RSRP1: variants seen among roughly 807,000 people sequenced by gnomAD.
RSRP1 encodes arginine/serine-rich protein 1.
RSRP1 carries 37 observed loss-of-function variants against 33.0 expected under a neutral mutation model. The ratio of observed to expected loss-of-function variants is 1.12; its 90% CI spans 0.86 to 1.48. The LOEUF (loss-of-function observed/expected upper bound fraction) is 1.48. RSRP1 is among the 40% of genes most tolerant of loss of function. RSRP1 has a pLI of 0.00. For synonymous variants in RSRP1, 167 were observed against 158.7 expected (o/e 1.05, Z -0.40); for missense variants, 402 against 385.3 (o/e 1.04, Z -0.36).
chr1:25,244,567 T>G (rs1353886703), intron 3 of RSRP1: 2 of 1,286,760 alleles, frequency 1.6e-6, no homozygotes, highest in East Asian at 1.1e-4. Context: ...GGGAACATAA[T>G]GCTGCAAATG....
chr1:25,299,660 G>T (rs1643228161), intron 1 of RSRP1, among the ~76,000 whole-genome samples: 1 of 131,398 alleles, frequency 7.6e-6, no homozygotes, highest in Non-Finnish European at 1.8e-5. Flanking sequence ...GATCCTGCAG[G>T]GTCGTGGCAA....
In RSRP1 at chr1:25,321,799, T is replaced by C. The variant is rs1337490173; in HGVS notation, c.-67+16179A>G. On this transcript the variant is annotated intron_variant, in intron 1 of 1. Coordinates refer to the RSRP1 transcript ENST00000561867. Reference sequence around the variant, plus strand: ...AGAAAAAGGATTTCTGTTGAGATACTGTCGTTTTGACACACAATATTTCGA... The same window carrying C: ...AGAAAAAGGATTTCTGTTGAGATACCGTCGTTTTGACACACAATATTTCGA... 2.9e-6 allele frequency: 2 copies of C among 685,086 alleles called. 1 individual carries two copies. Among genetic ancestry groups the C allele is most frequent in the African/African-American group, 3.5e-5 (2 of 57,928 alleles). The allele number at this position is 685,086 out of a possible 1,614,324, so 42.4% of individuals were successfully genotyped here.
rs562716225 is a variant in RSRP1, at chr1:25,301,234, G to A, written c.-67+36744C>T. The A allele has an allele frequency of 2.3e-5, 21 of 925,978 alleles. 4 individuals carry two copies. Among genetic ancestry groups the A allele is most frequent in the Non-Finnish European group, 3.1e-5 (18 of 579,026 alleles). The allele number at this position is 925,978 out of a possible 1,614,324, so 57.4% of individuals were successfully genotyped here. A position where few individuals can be genotyped will look rare whatever the true frequency, so the allele number is the denominator to read the frequency against. The stretch of plus-strand genomic sequence containing the variant: ...CTTCCATCATGATTCATTTCTTTGA[G>A]TAGTGTTTGCTAAATTCATACCTTT... On this transcript the variant is annotated intron_variant, in intron 1 of 1. Coordinates refer to the RSRP1 transcript ENST00000561867.
At position 25,266,231 on chromosome 1, in the gene RSRP1, C is replaced by A. The variant is rs596582; in HGVS notation, c.-66-19202G>T. ...AAGAGTAATATAAAGATGCTCACTCCTATTTATAAATATTTGACAATCATG... is the reference window on the plus strand; with the variant it reads ...AAGAGTAATATAAAGATGCTCACTCATATTTATAAATATTTGACAATCATG... On this transcript the variant is annotated intron_variant, in intron 1 of 1. Transcript: ENST00000561867. 31 of 132,020 alleles carry A rather than the reference C, an allele frequency of 2.3e-4. 6 individuals are homozygous for A. The highest frequency in any genetic ancestry group is 5.0e-4 in the Non-Finnish European group (28 of 55,696). 8.2% of individuals were successfully genotyped at this position (132,020 alleles called of 1,614,324 possible). A position where few individuals can be genotyped will look rare whatever the true frequency, so the allele number is the denominator to read the frequency against.
intron 2 of RSRP1, 119 bp from the exon 3 acceptor site, chr1:25,245,420 G>GA: frequency 1.5e-6 from 2 of 1,326,954 alleles, no homozygotes; most frequent in Non-Finnish European, 2.0e-6. Context: ...TAAGTCACTT[G>GA]TTTTATAATA....
rs1294702566 is a variant in RSRP1, at chr1:25,310,845, C to T, written c.-67+27133G>A. On this transcript the variant is annotated intron_variant, in intron 1 of 1. Transcript: ENST00000561867. ...AAAATTAGCTGGGCGTGGTGGCGCA[C>T]ACCTGTAATCTCAGCTACTCAGGAG... 3.0e-5 allele frequency among the ~76,000 whole-genome samples: 4 copies of T among 131,282 alleles called. 1 individual carries two copies. Among genetic ancestry groups the T allele is most frequent in the African/African-American group, 1.0e-4 (4 of 38,406 alleles). The allele number at this position is 131,282 out of a possible 152,430, so 86.1% of individuals were successfully genotyped here.
intron 1 of RSRP1, among the ~76,000 whole-genome samples, chr1:25,276,569 C>A (rs183062154): frequency 0.012 from 1,326 of 106,172 alleles, 157 homozygotes; most frequent in African/African-American, 0.058. Context: ...TAAAATTTAA[C>A]CCAGTGTGGT....
At chr1:25,254,860 A>G (rs975086027) in intron 1 of RSRP1, among the ~76,000 whole-genome samples, 6 of 152,208 alleles carry the variant, frequency 3.9e-5, no homozygotes, top group African/African-American at 1.4e-4. Flanking sequence ...TACAGGTGCA[A>G]TTACTGGTAG....
At chr1:25,245,425 A>G (rs1639288963) in intron 2 of RSRP1, 124 bp from the exon 3 acceptor site, 1 of 1,310,278 alleles carries the variant, frequency 7.6e-7, no homozygotes, top group African/African-American at 1.5e-5. Context: ...CACTTGTTTT[A>G]TAATAGGTAA....
At chr1:25,311,314 C>T (rs1644134451) in intron 1 of RSRP1, among the ~76,000 whole-genome samples, 2 of 131,934 alleles carry the variant, frequency 1.5e-5, no homozygotes, top group African/African-American at 5.2e-5. Context: ...AGAACATTTT[C>T]AGCTGAGAAC....
chr1:25,257,853 T>C (rs1435066326), intron 1 of RSRP1, among the ~76,000 whole-genome samples: 1 of 152,050 alleles, frequency 6.6e-6, no homozygotes, highest in East Asian at 1.9e-4. Context: ...TCAAGTGATC[T>C]GCCCACCTCA....
In RSRP1 at chr1:25,303,852, G is replaced by A. The variant is rs1294486824; in HGVS notation, c.-67+34126C>T. ...CTCCTCTTTCACCCCACATTGTGGGGTGTAGTCTTTTGCTTCAAGAAAGCA... is the reference window on the plus strand; with the variant it reads ...CTCCTCTTTCACCCCACATTGTGGGATGTAGTCTTTTGCTTCAAGAAAGCA... On this transcript the variant is annotated intron_variant, in intron 1 of 1. Coordinates refer to the RSRP1 transcript ENST00000561867. Among the ~76,000 whole-genome samples, 6 of 127,140 alleles carry A rather than the reference G, an allele frequency of 4.7e-5. 2 individuals carry two copies. The highest frequency in any genetic ancestry group is 7.4e-5 in the Non-Finnish European group (4 of 54,158). The allele number at this position is 127,140 out of a possible 152,430, so 83.4% of individuals were successfully genotyped here.
In RSRP1 at chr1:25,246,515, T is replaced by C. The variant is rs889799584; in HGVS notation, c.449A>G (p.Glu150Gly). 1 of 1,614,108 alleles carries C rather than the reference T, an allele frequency of 6.2e-7. No homozygotes were observed. Among genetic ancestry groups the C allele is most frequent in the African/African-American group, 1.3e-5 (1 of 74,942 alleles). The part of the protein sequence containing the change: ...YGFGRTVYPE[E>G]HSRWRDRSRT... ...GGATCTGTCCCTCCATCTGCTGTGC[T>C]CCTCCGGGTACACTGTGCGACCAAA... Residue 150 changes from glutamate (E) to glycine (G), a missense_variant, in exon 2 of 5, where the codon GAG (glutamate) becomes GGG (glycine). Physicochemically the swap from Glu to Gly is moderately conservative, Grantham distance 98. Coordinates refer to ENST00000243189, the MANE Select transcript of RSRP1 (RefSeq NM_020317.5).
intron 1 of RSRP1, among the ~76,000 whole-genome samples, chr1:25,312,121 A>C (rs1413942237): frequency 1.0e-5 from 1 of 98,038 alleles, no homozygotes; most frequent in African/African-American, 3.5e-5. Context: ...TCGGGGGTCC[A>C]AATTCCATAG....
At position 25,314,909 on chromosome 1, in the gene RSRP1, T is replaced by G. The variant is rs1406852987; in HGVS notation, c.-67+23069A>C. Among the ~76,000 whole-genome samples, 3 of 131,288 alleles carry G rather than the reference T, an allele frequency of 2.3e-5. 1 individual carries two copies. Among genetic ancestry groups the G allele is most frequent in the African/African-American group, 7.8e-5 (3 of 38,586 alleles). The allele number at this position is 131,288 out of a possible 152,430, so 86.1% of individuals were successfully genotyped here. ...TTATGTTTAGTTCTTTTATGTCCTT[T>G]TTAAGAATTTTTGCAGCCAGCGCGG... On this transcript the variant is annotated intron_variant, in intron 1 of 1. Transcript: ENST00000561867.
In RSRP1 at chr1:25,313,491, C is replaced by T. The variant is rs1370212471; in HGVS notation, c.-67+24487G>A. Among the ~76,000 whole-genome samples, 40 of 132,464 alleles carry T rather than the reference C, an allele frequency of 3.0e-4. 9 individuals carry two copies. The highest frequency in any genetic ancestry group is 5.5e-4 in the Non-Finnish European group (31 of 55,864). The allele number at this position is 132,464 out of a possible 152,430, so 86.9% of individuals were successfully genotyped here. ...CCAGGTTGTTAAGCATTGCTGTACC[C>T]TTTTTCCACTGGGATATAGTGTTCT... On this transcript the variant is annotated intron_variant, in intron 1 of 1. Coordinates refer to the RSRP1 transcript ENST00000561867.
chr1:25,300,911 C>T lies in RSRP1; in HGVS notation c.-67+37067G>A, dbSNP rs1175115452. 2.2e-6 allele frequency: 3 copies of T among 1,369,212 alleles called. 1 individual carries two copies. The African/African-American group carries it at 4.4e-5, about 20-fold the overall frequency. The allele number at this position is 1,369,212 out of a possible 1,614,324, so 84.8% of individuals were successfully genotyped here. A position where few individuals can be genotyped will look rare whatever the true frequency, so the allele number is the denominator to read the frequency against. On this transcript the variant is annotated intron_variant, in intron 1 of 1. Coordinates refer to the RSRP1 transcript ENST00000561867. ...CAGGGCTTGCCCCGGGCAGAGGATG[C>T]CGACACTCACTGCTCTTACTGGGTT... is the stretch of plus-strand genomic sequence containing the variant.
At chr1:25,315,957 G>A (rs1644416879) in intron 1 of RSRP1, among the ~76,000 whole-genome samples, 1 of 131,866 alleles carries the variant, frequency 7.6e-6, no homozygotes, top group African/African-American at 2.6e-5. Flanking sequence ...TCCACCCCAT[G>A]AGGCTGCAGG....
chr1:25,321,349 CAAA>C (rs569995563), intron 1 of RSRP1, among the ~76,000 whole-genome samples: 2 of 87,144 alleles, frequency 2.3e-5, no homozygotes, highest in African/African-American at 3.7e-5. Flanking sequence ...TTCTTTTTTT[CAAA>C]AAAAAAAAAA....
Sources: gnomAD v4.1 joint callset for allele counts (sites outside exome capture counted in the v4.1 genomes callset) on GRCh38, gnomAD v4.1.1 for gene constraint, MANE v1.5 for transcripts, NCBI Gene and HGNC (gene_info 2026-07-23, HGNC 2026-07-21) for gene names.